PHACTR1: variants seen among roughly 807,000 people sequenced by gnomAD.
PHACTR1 encodes RPEL repeat containing 1.
A neutral mutation model predicts 69.2 loss-of-function variants in PHACTR1; 16 were observed. The ratio of observed to expected loss-of-function variants is 0.23; its 90% CI spans 0.16 to 0.35. The LOEUF (loss-of-function observed/expected upper bound fraction) is 0.35, where lower values mean the gene tolerates loss of function less well. Among genes scored for constraint, PHACTR1 ranks in the 10% least tolerant of loss-of-function variants. The pLI is 1.00. For synonymous variants in PHACTR1, 312 were observed against 284.5 expected, an observed-to-expected ratio of 1.10 and a Z score of -0.97; for missense variants, 510 against 734.7, an observed-to-expected ratio of 0.69 and a Z score of 3.54.
intron 4 of PHACTR1, among the ~76,000 whole-genome samples, chr6:12,957,058 C>T: frequency 7.6e-6 from 1 of 131,474 alleles, no homozygotes. Flanking sequence ...CTTCCTCCCT[C>T]TTCCCTTCCT....
chr6:12,745,581 A>C (rs1421934869), intron 3 of PHACTR1, among the ~76,000 whole-genome samples: 1 of 152,168 alleles, frequency 6.6e-6, no homozygotes, highest in Non-Finnish European at 1.5e-5. Flanking sequence ...ATAGATTCTA[A>C]AGGATGCAGA....
chr6:12,870,569 A>G (rs189508695), intron 4 of PHACTR1, among the ~76,000 whole-genome samples: 3 of 152,364 alleles, frequency 2.0e-5, no homozygotes, highest in East Asian at 3.9e-4. Context: ...GTGTCTCTAC[A>G]TCAGGCACAT....
chr6:13,078,358 T>G (rs1304902042), intron 5 of PHACTR1, among the ~76,000 whole-genome samples: 3 of 152,224 alleles, frequency 2.0e-5, no homozygotes, highest in Non-Finnish European at 2.9e-5. Flanking sequence ...CCAGTCATAT[T>G]GGATTAGGGA....
chr6:13,139,374 C>G (rs1446706028), intron 5 of PHACTR1, among the ~76,000 whole-genome samples: 2 of 152,264 alleles, frequency 1.3e-5, no homozygotes, highest in Non-Finnish European at 2.9e-5. Context: ...CCTGCAAAGC[C>G]TTAAGTATCA....
At chr6:13,102,700 G>A (rs1815373183) in intron 5 of PHACTR1, among the ~76,000 whole-genome samples, 1 of 152,166 alleles carries the variant, frequency 6.6e-6, no homozygotes, top group African/African-American at 2.4e-5. Flanking sequence ...AGAAAAAAAT[G>A]TTGCCATTGT....
intron 5 of PHACTR1, among the ~76,000 whole-genome samples, chr6:13,109,651 T>C (rs1816712699): frequency 6.6e-6 from 1 of 152,146 alleles, no homozygotes; most frequent in Non-Finnish European, 1.5e-5. Flanking sequence ...TGTTATGCTT[T>C]TTGGATATGT....
intron 4 of PHACTR1, among the ~76,000 whole-genome samples, chr6:12,907,135 T>C (rs966517314): frequency 6.6e-6 from 1 of 152,232 alleles, no homozygotes; most frequent in African/African-American, 2.4e-5. Flanking sequence ...TAAAGTCCTT[T>C]CAGCTACTGA....
intron 5 of PHACTR1, among the ~76,000 whole-genome samples, chr6:13,137,050 C>T (rs1821676592): frequency 6.6e-6 from 1 of 152,232 alleles, no homozygotes; most frequent in Non-Finnish European, 1.5e-5. Context: ...TAGACTTGCT[C>T]AATCCAGAGT....
At chr6:13,194,401 CAA>C (rs1297859837) in intron 7 of PHACTR1, among the ~76,000 whole-genome samples, 2,694 of 99,636 alleles carry the variant, frequency 0.027, 84 homozygotes, top group African/African-American at 0.085. Flanking sequence ...GACTCCGTCT[CAA>C]AAAAAAAAAA....
intron 4 of PHACTR1, among the ~76,000 whole-genome samples, chr6:13,000,745 T>G (rs1798011350): frequency 6.6e-6 from 1 of 152,104 alleles, no homozygotes; most frequent in Non-Finnish European, 1.5e-5. Flanking sequence ...TAAGCCTGTC[T>G]TGGCTGCAGG....
At chr6:13,240,235 G>A (rs1352962616) in intron 10 of PHACTR1, among the ~76,000 whole-genome samples, 1 of 152,112 alleles carries the variant, frequency 6.6e-6, no homozygotes, top group African/African-American at 2.4e-5. Flanking sequence ...GGGCTGCATG[G>A]TCACATTTTA....
intron 4 of PHACTR1, among the ~76,000 whole-genome samples, chr6:13,049,494 A>T (rs1457146529): frequency 6.6e-6 from 1 of 152,214 alleles, no homozygotes; most frequent in Non-Finnish European, 1.5e-5. Context: ...AGAATTCTCA[A>T]ACTGAATATT....
At chr6:12,870,825 T>A (rs1465773583) in intron 4 of PHACTR1, among the ~76,000 whole-genome samples, 1 of 152,236 alleles carries the variant, frequency 6.6e-6, no homozygotes, top group African/African-American at 2.4e-5. Flanking sequence ...GGAAGCTGAC[T>A]TTTATCAGCT....
intron 4 of PHACTR1, among the ~76,000 whole-genome samples, chr6:12,963,625 G>T (rs537573145): frequency 2.0e-5 from 3 of 152,120 alleles, no homozygotes; most frequent in African/African-American, 7.2e-5. Context: ...TGATCCGGGC[G>T]TTTTGATTCC....
intron 5 of PHACTR1, among the ~76,000 whole-genome samples, chr6:13,084,595 G>A (rs1001617173): frequency 6.6e-6 from 1 of 151,024 alleles, no homozygotes; most frequent in Non-Finnish European, 1.5e-5. Context: ...AATGGAGGAA[G>A]CAATAATGAG....
At chr6:12,978,803 T>G (rs967885266) in intron 4 of PHACTR1, among the ~76,000 whole-genome samples, 18 of 152,222 alleles carry the variant, frequency 1.2e-4, no homozygotes, top group Admixed American at 1.2e-3. Context: ...AAGAAGTGTT[T>G]CCAGCTTTTC....
intron 4 of PHACTR1, among the ~76,000 whole-genome samples, chr6:13,013,801 C>T (rs926395157): frequency 4.0e-5 from 6 of 148,966 alleles, no homozygotes; most frequent in East Asian, 2.0e-4. Flanking sequence ...GCGGGCGGGG[C>T]GGGGGCATGC....
chr6:13,164,481 G>T (rs1350946358), intron 6 of PHACTR1, among the ~76,000 whole-genome samples: 3 of 152,230 alleles, frequency 2.0e-5, no homozygotes, highest in South Asian at 4.1e-4. Context: ...GACAGCTGCC[G>T]CATTGATTTG....
At chr6:12,981,230 A>C (rs1261775556) in intron 4 of PHACTR1, among the ~76,000 whole-genome samples, 1 of 152,242 alleles carries the variant, frequency 6.6e-6, no homozygotes, top group Non-Finnish European at 1.5e-5. Context: ...CATAAATATA[A>C]TAGTATAAAA....
Sources: allele counts gnomAD v4.1 joint callset (sites outside exome capture counted in the v4.1 genomes callset), GRCh38; gene constraint gnomAD v4.1.1; transcripts MANE v1.5; gene names NCBI Gene and HGNC (gene_info 2026-07-23, HGNC 2026-07-21).